CCDC73: variants seen among roughly 807,000 people sequenced by gnomAD.
CCDC73 encodes the protein coiled-coil domain-containing protein 73.
A neutral mutation model predicts 116.5 loss-of-function variants in CCDC73; 95 were observed. That is an observed-to-expected ratio of 0.82 (90% CI 0.69 to 0.97). The LOEUF is 0.97. CCDC73 is among the 50% of genes least tolerant of loss of function. CCDC73 has a pLI of 0.00. For synonymous variants in CCDC73, 398 were observed against 401.3 expected (o/e 0.99, Z 0.10); for missense variants, 1,066 against 1,206.8 (o/e 0.88, Z 1.73).
chr11:32,716,823 A>G (rs1409300121), intron 3 of CCDC73, among the ~76,000 whole-genome samples: 1 of 152,232 alleles, frequency 6.6e-6, no homozygotes, highest in Non-Finnish European at 1.5e-5. Flanking sequence ...TTGGCCTACC[A>G]AAGTGCTGGG....
rs181749914 is a variant in CCDC73, at chr11:32,651,007, G to A, written c.939+2116C>T. ...TTAATATCATGATCCCCTAGGCTTGGGGATACTTACCAGGCAAACACAGAC... is the reference window on the plus strand; with the variant it reads ...TTAATATCATGATCCCCTAGGCTTGAGGATACTTACCAGGCAAACACAGAC... On this transcript the variant is annotated intron_variant, in intron 12 of 17. Transcript: ENST00000335185. 9.2e-5 allele frequency among the ~76,000 whole-genome samples: 14 copies of A among 152,164 alleles called. No individual in the cohort carries two copies. In the East Asian group the frequency reaches 1.9e-3, roughly 21 times the overall value.
the CCDC73 span, among the ~76,000 whole-genome samples, chr11:32,819,722 A>G: frequency 6.6e-6 from 1 of 152,130 alleles, no homozygotes; most frequent in Non-Finnish European, 1.5e-5. Context: ...CAGCCTCCCA[A>G]AGTGCTGGGA....
chr11:32,712,280 G>A (rs1172674572), intron 3 of CCDC73, among the ~76,000 whole-genome samples: 1 of 152,064 alleles, frequency 6.6e-6, no homozygotes, highest in African/African-American at 2.4e-5. Context: ...GGCCTGGGGT[G>A]GAGGGAAGGG....
upstream of CCDC73, among the ~76,000 whole-genome samples, chr11:32,796,504 GGT>G (rs1434370746): frequency 6.6e-6 from 1 of 152,122 alleles, no homozygotes; most frequent in African/African-American, 2.4e-5. Flanking sequence ...AGAAAACTAA[GGT>G]GTAGAGAGGC....
chr11:32,783,882 A>G lies in CCDC73; in HGVS notation c.-16+10731T>C, dbSNP rs150704607. 8.5e-5 allele frequency among the ~76,000 whole-genome samples: 13 copies of G among 152,364 alleles called. No individual in the cohort carries two copies. The East Asian group carries it at 2.3e-3, about 27-fold the overall frequency. On this transcript the variant is annotated intron_variant, in intron 1 of 17. Coordinates refer to ENST00000335185, the MANE Select transcript of CCDC73 (RefSeq NM_001008391.4). ...CAAGAGGACACCTGTACGAAGACAG[A>G]GAGCAACCAGTCCAGATTAAAGTGG...
rs573742142 is a variant in CCDC73, at chr11:32,769,317, G to C, written c.-15-9059C>G. Among the ~76,000 whole-genome samples, 8 of 152,258 alleles carry C rather than the reference G, an allele frequency of 5.3e-5. No individual in the cohort carries two copies. In the East Asian group the frequency reaches 1.4e-3, roughly 26 times the overall value. ...AGGTGGTTCCTCTGTTCTCTGCTGG[G>C]TTTATTAATGAGTCTGTGATCAGCT... On this transcript the variant is annotated intron_variant, in intron 1 of 17. Coordinates refer to ENST00000335185, the MANE Select transcript of CCDC73 (RefSeq NM_001008391.4).
chr11:32,791,342 C>T (rs1001810155), intron 1 of CCDC73, among the ~76,000 whole-genome samples: 13 of 152,296 alleles, frequency 8.5e-5, no homozygotes, highest in African/African-American at 3.1e-4. Flanking sequence ...CTAAGGGGCA[C>T]AAGGCCCACA....
chr11:32,642,088 A>T lies in CCDC73; in HGVS notation c.940-6T>A, dbSNP rs200058950. The T allele has an allele frequency of 7.9e-6, 12 of 1,520,314 alleles. No homozygotes were observed. Among genetic ancestry groups the T allele is most frequent in the Non-Finnish European group, 1.1e-5 (12 of 1,137,070 alleles). 94.2% of individuals were successfully genotyped at this position (1,520,314 alleles called of 1,614,324 possible). On this transcript the variant is annotated splice_region_variant and splice_polypyrimidine_tract_variant and intron_variant, in intron 12 of 17. Transcript: ENST00000335185. Reference sequence around the variant, plus strand: ...TCATTATCTCTTTCAAGGGTCTGCAATAAAATTAATTATCCAAAAAATAAT... The same window carrying T: ...TCATTATCTCTTTCAAGGGTCTGCATTAAAATTAATTATCCAAAAAATAAT...
At chr11:32,786,974 T>C (rs1382997390) in intron 1 of CCDC73, among the ~76,000 whole-genome samples, 4 of 152,188 alleles carry the variant, frequency 2.6e-5, no homozygotes, top group African/African-American at 9.7e-5. Context: ...TTATCAATCA[T>C]GTACAGGGAT....
At chr11:32,745,375 A>G (rs552951949) in intron 2 of CCDC73, among the ~76,000 whole-genome samples, 1 of 152,312 alleles carries the variant, frequency 6.6e-6, no homozygotes, top group South Asian at 2.1e-4. Flanking sequence ...AAGAATGTAT[A>G]TTCTGTTGAT....
At chr11:32,718,241 T>C (rs1352508389) in intron 2 of CCDC73, 94 bp from the exon 3 acceptor site, 2 of 747,774 alleles carry the variant, frequency 2.7e-6, no homozygotes, top group Admixed American at 5.2e-5. Context: ...AATAGCATAC[T>C]CCCACCTTTA....
intron 14 of CCDC73, among the ~76,000 whole-genome samples, chr11:32,631,803 T>C (rs1590556552): frequency 1.3e-5 from 2 of 152,178 alleles, no homozygotes; most frequent in African/African-American, 4.8e-5. Flanking sequence ...CACCACTCAC[T>C]ACACTCCAGC....
At chr11:32,688,533 C>T (rs1223528170) in intron 6 of CCDC73, among the ~76,000 whole-genome samples, 1 of 152,108 alleles carries the variant, frequency 6.6e-6, no homozygotes, top group Non-Finnish European at 1.5e-5. Flanking sequence ...CTGAATGAGT[C>T]CTGAACATTC....
intron 1 of CCDC73, among the ~76,000 whole-genome samples, chr11:32,794,001 G>A (rs1414251176): frequency 2.0e-5 from 3 of 152,146 alleles, no homozygotes; most frequent in Admixed American, 6.6e-5. Context: ...GCTCGTGCAA[G>A]GCAGTTTGGG....
At chr11:32,698,833 G>A (rs61889448) in intron 6 of CCDC73, among the ~76,000 whole-genome samples, 23,775 of 151,946 alleles carry the variant, frequency 0.16, 1,980 homozygotes, top group South Asian at 0.27. Context: ...AAGAGACTAC[G>A]AACAACTTAA....
At chr11:32,757,563 G>A (rs960372963) in intron 2 of CCDC73, among the ~76,000 whole-genome samples, 8 of 152,038 alleles carry the variant, frequency 5.3e-5, no homozygotes, top group African/African-American at 1.9e-4. Context: ...TTGCAGTTCT[G>A]GAGGTCAGAA....
Position 32,667,100 on chromosome 11 carries a change from C to T in CCDC73, c.645+8465G>A, listed in dbSNP as rs1855991473. The stretch of plus-strand genomic sequence containing the variant: ...TGGGGTGTGCCCCCCAGTTAGGCTA[C>T]TCGGAGGTCAGGGACCCACTTGAGG... On this transcript the variant is annotated intron_variant, in intron 9 of 17. Transcript: ENST00000335185. Among the ~76,000 whole-genome samples, 7 of 152,364 alleles carry T rather than the reference C, an allele frequency of 4.6e-5. No individual in the cohort carries two copies. In the South Asian group the frequency reaches 1.4e-3, roughly 32 times the overall value.
intron 14 of CCDC73, among the ~76,000 whole-genome samples, chr11:32,619,719 G>T (rs1426408268): frequency 6.6e-6 from 1 of 151,514 alleles, no homozygotes; most frequent in Non-Finnish European, 1.5e-5. Flanking sequence ...AGGAAGAGGA[G>T]GAGAAGGAGG....
At chr11:32,705,287 G>A (rs1174552529) in intron 3 of CCDC73, among the ~76,000 whole-genome samples, 1 of 152,184 alleles carries the variant, frequency 6.6e-6, no homozygotes. Flanking sequence ...TGCAAGCCCA[G>A]ACCTCAGGGC....
Sources: gnomAD v4.1 joint callset for allele counts (sites outside exome capture counted in the v4.1 genomes callset) on GRCh38, gnomAD v4.1.1 for gene constraint, MANE v1.5 for transcripts, NCBI Gene and HGNC (gene_info 2026-07-23, HGNC 2026-07-21) for gene names.